Variants in TG observed in about 807,000 individuals in gnomAD.
TG encodes the protein thyroglobulin.
In TG, 270 loss-of-function variants were observed where a neutral mutation model predicts 324.7. The observed-to-expected ratio is 0.83, with a 90% CI of 0.75 to 0.92. TG has a LOEUF of 0.92. Among genes scored for constraint, TG ranks in the 40% least tolerant of loss-of-function variants. TG has a pLI of 0.00. For missense variants in TG, 3,591 were observed against 3,456.4 expected, an observed-to-expected ratio of 1.04 and a Z score of -0.98; for synonymous variants, 1,401 against 1,327.0, an observed-to-expected ratio of 1.06 and a Z score of -1.21.
At position 133,075,174 on chromosome 8, in the gene TG, A is replaced by G. The variant is rs145772283; in HGVS notation, c.7240-19870A>G. On this transcript the variant is annotated intron_variant, in intron 41 of 47. Coordinates refer to ENST00000220616, the MANE Select transcript of TG (RefSeq NM_003235.5). The stretch of plus-strand genomic sequence containing the variant: ...TATTAATTTTTTTACAAAGCATTTG[A>G]GAATATGGCCAGCTTAACTCTGGAT... 611 of 953,520 alleles carry G rather than the reference A, an allele frequency of 6.4e-4. 6 individuals carry two copies. In the African/African-American group the frequency reaches 0.01, roughly 16 times the overall value. 59.1% of individuals were successfully genotyped at this position (953,520 alleles called of 1,614,324 possible).
At chr8:132,912,336 G>A (rs1046780298) in intron 19 of TG, among the ~76,000 whole-genome samples, 16 of 152,124 alleles carry the variant, frequency 1.1e-4, no homozygotes, top group African/African-American at 2.9e-4. Context: ...GTTTGGAGCC[G>A]CAAAAACATG....
rs1426956780 is a variant in TG, at chr8:132,929,152, A to G, written c.4776A>G (p.Lys1592=). ...ATGCTCCTGTGGCTGTCAGATCCAA[A>G]GTTCCTGATTCTGAGTTCCCCGTGA... ...DANAPVAVRS[K]VPDSEFPVMQ... Residue 1592 remains lysine (K), a synonymous_variant, in exon 23 of 48, where the codon AAA becomes AAG. Transcript: ENST00000220616. 3 of 1,614,164 alleles carry G rather than the reference A, an allele frequency of 1.9e-6. No homozygotes were observed.
rs1587972683 is a variant in TG at position 133,067,919 on chromosome 8, G to GGA, written c.7240-27125_7240-27124insGA. Among the ~76,000 whole-genome samples, 19 of 85,894 alleles carry GGA rather than the reference G, an allele frequency of 2.2e-4. 1 individual carries two copies. The highest frequency in any genetic ancestry group is 4.2e-4 in the Non-Finnish European group (14 of 33,314). 56.3% of individuals were successfully genotyped at this position (85,894 alleles called of 152,430 possible). On this transcript the variant is annotated intron_variant, in intron 41 of 47. Transcript: ENST00000220616. ...GGAAGGAAGGAAGGAAGGAAGGAAA[G>GGA]AGAGAGAGAGAGAAAGAAAGAAAGA...
In TG at chr8:133,095,064, G is replaced by A. The variant is rs149678808; in HGVS notation, c.7260G>A (p.Pro2420=). The A allele has an allele frequency of 7.0e-5, 113 of 1,613,804 alleles. No homozygotes were observed. Among genetic ancestry groups the A allele is most frequent in the East Asian group, 1.6e-4 (7 of 44,862 alleles). ...TCCAGGGAGGCTCCGCACTCTCCCC[G>A]GCCGCCGTCATCAGCCATGAGAGGG... ...AVLMGGSALS[P]AAVISHERAQ... Residue 2420 remains proline (P), a synonymous_variant, in exon 42 of 48, where the codon CCG becomes CCA. Transcript: ENST00000220616.
intron 40 of TG, among the ~76,000 whole-genome samples, chr8:133,024,390 CTT>C (rs113725473): frequency 0.018 from 730 of 40,836 alleles, 15 homozygotes; most frequent in Middle Eastern, 0.037. Context: ...TTCTTTCTTT[CTT>C]TTTCTTTTTT....
At position 132,913,215 on chromosome 8, in the gene TG, G is replaced by T. The variant is rs1819782452; in HGVS notation, c.4328G>T (p.Gly1443Val). 1 of 1,614,062 alleles carries T rather than the reference G, an allele frequency of 6.2e-7. No individual in the cohort carries two copies. The highest frequency in any genetic ancestry group is 8.5e-7 in the Non-Finnish European group (1 of 1,180,036). The change falls in exon 20 of 48, where the codon GGA becomes GTA. Residue 1443 changes from glycine (G) to valine (V), a missense_variant. Physicochemically the swap from Gly to Val is moderately radical, Grantham distance 109. Transcript: ENST00000220616. ...AGGACATGGTTTGGGTGCTCGGAAG[G>T]ATTCTACCAAGTCTTGACAAGTGAG... ...SPRTWFGCSE[G>V]FYQVLTSEAS...
chr8:133,027,522 G>A (rs1311085983), intron 40 of TG, among the ~76,000 whole-genome samples: 1 of 152,204 alleles, frequency 6.6e-6, no homozygotes, highest in East Asian at 1.9e-4. Context: ...GCAGCAGAGG[G>A]GGCGGCCCCT....
chr8:133,095,771 G>T (rs143648315), intron 42 of TG, among the ~76,000 whole-genome samples: 1 of 152,206 alleles, frequency 6.6e-6, no homozygotes, highest in South Asian at 2.1e-4. Flanking sequence ...TGGCCTGATC[G>T]CCTTAGCAAT....
chr8:132,986,430 C>T (rs1831563851), intron 35 of TG, among the ~76,000 whole-genome samples: 1 of 146,768 alleles, frequency 6.8e-6, no homozygotes, highest in South Asian at 2.1e-4. Context: ...ATGTATGTAT[C>T]TCCAAATTGT....
At position 132,966,582 on chromosome 8, in the gene TG, C is replaced by T. The variant is rs765878737; in HGVS notation, c.5571C>T (p.Ser1857=). 1.1e-5 allele frequency: 17 copies of T among 1,613,912 alleles called. No individual in the cohort carries two copies. The Admixed American group carries it at 2.5e-4, about 24-fold the overall frequency. Residue 1857 remains serine, a synonymous_variant, in exon 30 of 48, where the codon TCC becomes TCT. Transcript: ENST00000220616. ...CAGGTTTGACAACAGAACTTTTCTC[C>T]CCTGTGGACCTCAACCAGGTCATTG... ...TEAGLTTELF[S]PVDLNQVIVN... is the part of the protein sequence containing the mutation.
intron 43 of TG, among the ~76,000 whole-genome samples, chr8:133,097,609 C>T (rs561422746): frequency 1.3e-5 from 2 of 152,090 alleles, no homozygotes; most frequent in Non-Finnish European, 2.9e-5. Context: ...AAAAACCAAC[C>T]TGTATATATC....
At chr8:133,032,535 C>G (rs1053969709) in intron 41 of TG, among the ~76,000 whole-genome samples, 5 of 152,108 alleles carry the variant, frequency 3.3e-5, no homozygotes, top group African/African-American at 9.7e-5. Flanking sequence ...AAAAATAAAC[C>G]CTTCCATCTG....
At chr8:133,027,542 TG>T (rs1836218836) in intron 40 of TG, among the ~76,000 whole-genome samples, 2 of 152,160 alleles carry the variant, frequency 1.3e-5, no homozygotes, top group South Asian at 4.1e-4. Flanking sequence ...TGGGCAGTGA[TG>T]GGGACCCAGA....
chr8:132,879,742 G>A (rs947343917), intron 5 of TG, among the ~76,000 whole-genome samples: 3 of 152,100 alleles, frequency 2.0e-5, no homozygotes, highest in African/African-American at 4.8e-5. Context: ...TCCAATGTGC[G>A]GGAAGCAGGA....
intron 35 of TG, chr8:132,995,614 A>C: frequency 2.6e-6 from 2 of 772,408 alleles, no homozygotes; most frequent in African/African-American, 1.9e-5. Flanking sequence ...AGAGGAGTTC[A>C]GATGCTCTTA....
At chr8:132,998,966 G>C (rs898826884) in intron 35 of TG, among the ~76,000 whole-genome samples, 7 of 152,158 alleles carry the variant, frequency 4.6e-5, no homozygotes, top group African/African-American at 1.4e-4. Context: ...GAATATGGGA[G>C]AATGACTAGG....
chr8:133,034,954 T>A (rs1018947316), intron 41 of TG, among the ~76,000 whole-genome samples: 1 of 152,256 alleles, frequency 6.6e-6, no homozygotes, highest in Non-Finnish European at 1.5e-5. Flanking sequence ...TTCTTGATCA[T>A]GCTTGTTCAT....
At chr8:133,057,577 G>A (rs1403633651) in intron 41 of TG, among the ~76,000 whole-genome samples, 1 of 152,068 alleles carries the variant, frequency 6.6e-6, no homozygotes, top group Non-Finnish European at 1.5e-5. Context: ...CCAGATCTCT[G>A]GGGCAGCCCG....
intron 31 of TG, 104 bp downstream of exon 31, chr8:132,968,074 T>G: frequency 7.3e-7 from 1 of 1,365,696 alleles, no homozygotes; most frequent in Non-Finnish European, 1.0e-6. Flanking sequence ...AACATTTTCT[T>G]TATACTTTTA....
Sources: allele counts gnomAD v4.1 joint callset (sites outside exome capture counted in the v4.1 genomes callset), GRCh38; gene constraint gnomAD v4.1.1; transcripts MANE v1.5; gene names NCBI Gene and HGNC (gene_info 2026-07-23, HGNC 2026-07-21).